The following DNAAF5 variants were observed in gnomAD, a reference collection of about 807,000 sequenced individuals.
DNAAF5 encodes the protein HEAT repeat containing 2.
Under a neutral mutation model 75.8 loss-of-function variants are expected in DNAAF5, and 64 were observed. That is an observed-to-expected ratio of 0.84 (90% CI 0.69 to 1.04). DNAAF5 has a LOEUF of 1.04. Among genes scored for constraint, DNAAF5 ranks in the 50% least tolerant of loss-of-function variants. The pLI is 0.00. For missense variants in DNAAF5, 1,269 were observed against 1,178.5 expected, an observed-to-expected ratio of 1.08 and a Z score of -1.12; for synonymous variants, 657 against 557.2, an observed-to-expected ratio of 1.18 and a Z score of -2.52.
rs1409246051 is a variant in DNAAF5, at chr7:761,867, C to T, written c.1585C>T (p.Leu529Phe). 2 of 1,584,442 alleles carry T rather than the reference C, an allele frequency of 1.3e-6. No homozygotes were observed. The highest frequency in any genetic ancestry group is 1.7e-6 in the Non-Finnish European group (2 of 1,165,770). The stretch of plus-strand genomic sequence containing the variant: ...GGACGTGCTGCTGACAATAGTGGCC[C>T]TCGCAGGTGCTACCGGCCTGAGGGA... ...LLDVLLTIVA[L>F]AGATGLRDKA... The change falls in exon 7 of 13, where the codon CTC becomes TTC. Residue 529 changes from leucine to phenylalanine, a missense_variant. Coordinates refer to ENST00000297440, the MANE Select transcript of DNAAF5 (RefSeq NM_017802.4).
At chr7:745,545 A>G (rs558296690) in intron 4 of DNAAF5, among the ~76,000 whole-genome samples, 3 of 152,178 alleles carry the variant, frequency 2.0e-5, no homozygotes, top group East Asian at 1.9e-4. Context: ...ATATCGTCAC[A>G]CGCGTACACA....
In DNAAF5 at chr7:754,028, G is replaced by A. The variant is rs1234195342; in HGVS notation, c.1025-561G>A. Among the ~76,000 whole-genome samples the A allele has an allele frequency of 1.3e-5, 2 of 149,386 alleles. No individual in the cohort carries two copies. Among genetic ancestry groups the A allele is most frequent in the African/African-American group, 5.0e-5 (2 of 40,308 alleles). ...TGATCATAGGGGGACGGCTTCGCAG[G>A]CGTGTCTCTCATCATATGGCGATGG... is the stretch of plus-strand genomic sequence containing the variant. On this transcript the variant is annotated intron_variant, in intron 4 of 12. Transcript: ENST00000297440. This position sits in a 1 kb window ranked among gnomAD's most constrained non-coding sequence, Gnocchi z 4.8.
At chr7:763,466 C>T (rs1782727594) in intron 7 of DNAAF5, among the ~76,000 whole-genome samples, 1 of 152,262 alleles carries the variant, frequency 6.6e-6, no homozygotes, top group Non-Finnish European at 1.5e-5. Context: ...CTCTGCTCCT[C>T]ACCACCTCAG....
Position 727,113 on chromosome 7 carries a change from G to GCGCCGCC in DNAAF5, c.398_404dup (p.Glu136ProfsTer6). 1 of 1,114,458 alleles carries GCGCCGCC rather than the reference G, an allele frequency of 9.0e-7. No individual in the cohort carries two copies. The highest frequency in any genetic ancestry group is 1.1e-6 in the Non-Finnish European group (1 of 915,800). 69.0% of individuals were successfully genotyped at this position (1,114,458 alleles called of 1,614,324 possible). On this transcript the variant is annotated frameshift_variant, in exon 1 of 13. Coordinates refer to ENST00000297440, the MANE Select transcript of DNAAF5 (RefSeq NM_017802.4). LOFTEE classifies it high-confidence loss of function. ...CGCGCTTGGCCGGCCCCGTGCCCGC[G>GCGCCGCC]CGCCGCCCGCCCGAGGCCTGTGAGG...
At chr7:731,280 T>C (rs1041566602) in intron 2 of DNAAF5, among the ~76,000 whole-genome samples, 2 of 152,174 alleles carry the variant, frequency 1.3e-5, no homozygotes, top group African/African-American at 4.8e-5. Context: ...TGTCTAAAAA[T>C]AACCATCACT....
intron 11 of DNAAF5, among the ~76,000 whole-genome samples, chr7:779,101 G>A (rs1226522138): frequency 1.3e-5 from 2 of 152,272 alleles, no homozygotes; most frequent in Non-Finnish European, 2.9e-5. Context: ...AGGATGGCCT[G>A]AACTTTGGAT....
Position 785,975 on chromosome 7 carries a change from G to A in DNAAF5, c.*322G>A. On this transcript the variant is annotated 3_prime_UTR_variant, in exon 13 of 13. Transcript: ENST00000297440. ...AGCCTCACGTGCGCAGCTGGTTCAT[G>A]AACTATTGGCTGCATCCTGCTTAGG... The A allele has an allele frequency of 3.8e-6, 1 of 266,062 alleles. No individual in the cohort carries two copies. 16.5% of individuals were successfully genotyped at this position (266,062 alleles called of 1,614,324 possible).
chr7:774,491 C>T (rs1187699720), intron 10 of DNAAF5, among the ~76,000 whole-genome samples: 2 of 152,188 alleles, frequency 1.3e-5, no homozygotes, highest in Non-Finnish European at 2.9e-5. Flanking sequence ...GGTTTCCGGC[C>T]CAATGCTGGC....
rs1451779954 is a variant in DNAAF5, at chr7:741,522, G to C, written c.1024+57G>C. 2.8e-6 allele frequency: 3 copies of C among 1,057,714 alleles called. No individual in the cohort carries two copies. The East Asian group carries it at 8.2e-5, about 29-fold the overall frequency. 65.5% of individuals were successfully genotyped at this position (1,057,714 alleles called of 1,614,324 possible). A position where few individuals can be genotyped will look rare whatever the true frequency, so the allele number is the denominator to read the frequency against. ...AGGCGAGCCCTTGTTGGGTGGGAAA[G>C]GGGCTTCTGAGCCTGAAGGAAGCTT... On this transcript the variant is annotated intron_variant, in intron 4 of 12. Coordinates refer to ENST00000297440, the MANE Select transcript of DNAAF5 (RefSeq NM_017802.4).
chr7:769,283 C>G (rs1778471310), intron 8 of DNAAF5: 1 of 702,268 alleles, frequency 1.4e-6, no homozygotes. Context: ...CCTTCTGCGG[C>G]CCCAACCCAG....
At chr7:781,710 C>T (rs1412978854) in intron 12 of DNAAF5, among the ~76,000 whole-genome samples, 2 of 151,976 alleles carry the variant, frequency 1.3e-5, no homozygotes, top group Admixed American at 6.6e-5. Context: ...GAGGATGTCT[C>T]ACTTGTTTCT....
intron 1 of DNAAF5, 64 bp downstream of exon 1, chr7:727,379 C>A: frequency 1.0e-6 from 1 of 969,992 alleles, no homozygotes; most frequent in Non-Finnish European, 1.3e-6. Context: ...TCCACCTCCG[C>A]GGCCCCTCTC....
At chr7:742,999 G>C (rs182677996) in intron 4 of DNAAF5, among the ~76,000 whole-genome samples, 31 of 152,326 alleles carry the variant, frequency 2.0e-4, no homozygotes, top group African/African-American at 6.7e-4. Context: ...CACCTCCCTG[G>C]CCTAGTTGAG....
chr7:767,234 G>C (rs1778334608), intron 8 of DNAAF5, among the ~76,000 whole-genome samples: 1 of 138,246 alleles, frequency 7.2e-6, no homozygotes, highest in African/African-American at 2.8e-5. Context: ...GCGAGACTCG[G>C]TCTCAAAAAA....
intron 2 of DNAAF5, among the ~76,000 whole-genome samples, chr7:738,594 G>A (rs1583479741): frequency 1.3e-5 from 2 of 150,980 alleles, no homozygotes; most frequent in East Asian, 3.9e-4. Flanking sequence ...AAAAAAAATT[G>A]AAAAACGTCC....
At chr7:771,079 T>A (rs899694274) in intron 9 of DNAAF5, 2 of 153,642 alleles carry the variant, frequency 1.3e-5, no homozygotes. Context: ...TAATGGCTTA[T>A]GTATTAGCTG....
rs1431099224 is a variant in DNAAF5, at chr7:763,853, C to T, written c.1662C>T (p.Ser554=). The T allele has an allele frequency of 1.2e-6, 2 of 1,613,428 alleles. No homozygotes were observed. Among genetic ancestry groups the T allele is most frequent in the Admixed American group, 1.7e-5 (1 of 60,032 alleles). ...TGGCCATGGTGGAGGGTGTCAGCAG[C>T]TGCCAGGACCTCTACCGCAAGCACA... ...DSLAMVEGVS[S]CQDLYRKHIG... Residue 554 remains serine, a synonymous_variant, in exon 8 of 13, where the codon AGC becomes AGT. Transcript: ENST00000297440.
At chr7:735,282 A>G (rs1164458925) in intron 2 of DNAAF5, among the ~76,000 whole-genome samples, 1 of 145,582 alleles carries the variant, frequency 6.9e-6, no homozygotes, top group East Asian at 2.1e-4. Flanking sequence ...AGCTGCTCAC[A>G]GTGTCGCCGC....
At chr7:759,256 A>G (rs533962832) in intron 6 of DNAAF5, among the ~76,000 whole-genome samples, 2 of 152,336 alleles carry the variant, frequency 1.3e-5, no homozygotes, top group African/African-American at 4.8e-5. Flanking sequence ...GTGTAAATGT[A>G]TTCTAAACTG....
Sources: allele counts gnomAD v4.1 joint callset (sites outside exome capture counted in the v4.1 genomes callset), GRCh38; gene constraint gnomAD v4.1.1; non-coding constraint Gnocchi (gnomAD v3.1); transcripts MANE v1.5; gene names NCBI Gene and HGNC (gene_info 2026-07-23, HGNC 2026-07-21).